Variants in DGKK observed in about 807,000 individuals in gnomAD.
The protein encoded by DGKK is diacylglycerol kinase kappa.
A neutral mutation model predicts 92.2 loss-of-function variants in DGKK; 35 were observed. The ratio of observed to expected loss-of-function variants is 0.38; its 90% CI spans 0.29 to 0.50. The LOEUF (loss-of-function observed/expected upper bound fraction) is 0.50, where lower values mean the gene tolerates loss of function less well. Among genes scored for constraint, DGKK ranks in the 20% least tolerant of loss-of-function variants. The pLI, the probability that DGKK is intolerant of heterozygous loss-of-function variation, is 0.92. For missense variants in DGKK, 910 were observed against 992.2 expected, an observed-to-expected ratio of 0.92 and a Z score of 1.11; for synonymous variants, 368 against 360.6, an observed-to-expected ratio of 1.02 and a Z score of -0.23.
intron 5 of DGKK, 49 bp downstream of exon 5, chrX:50,404,000 C>A: frequency 8.4e-7 from 1 of 1,191,172 alleles, no homozygotes; most frequent in Non-Finnish European, 1.1e-6. Context: ...TTCCTTCATC[C>A]CTATATCTAC....
At chrX:50,371,109 T>G (rs1198070957) in intron 26 of DGKK, among the ~76,000 whole-genome samples, 1 of 112,926 alleles carries the variant, frequency 8.9e-6, no homozygotes, top group African/African-American at 3.2e-5. Context: ...ACTTGGGCTC[T>G]CTGCTGTGCA....
At chrX:50,408,349 C>T (rs1255163593) in intron 4 of DGKK, among the ~76,000 whole-genome samples, 1 of 112,286 alleles carries the variant, frequency 8.9e-6, no homozygotes, top group African/African-American at 3.2e-5. Flanking sequence ...TTTTTTTAAA[C>T]CCACAACCAT....
chrX:50,424,753 T>C (rs1557229512), intron 1 of DGKK, among the ~76,000 whole-genome samples: 2 of 111,661 alleles, frequency 1.8e-5, no homozygotes, highest in Non-Finnish European at 3.8e-5. Context: ...GACAGGGCTC[T>C]CCTGTCAGCT....
chrX:50,385,867 G>A (rs1924531088), intron 15 of DGKK, among the ~76,000 whole-genome samples: 1 of 112,219 alleles, frequency 8.9e-6, no homozygotes, highest in African/African-American at 3.2e-5. Flanking sequence ...ACTGTCGTGA[G>A]TTCTGAGCAA....
intron 4 of DGKK, among the ~76,000 whole-genome samples, chrX:50,416,929 C>A (rs192451146): frequency 9.1e-6 from 1 of 110,093 alleles, no homozygotes; most frequent in African/African-American, 3.3e-5. Flanking sequence ...GAGGAATTTA[C>A]GATATCCTCC....
At chrX:50,422,320 T>A (rs1217373563) in intron 3 of DGKK, 126 bp downstream of exon 3, 2 of 477,724 alleles carry the variant, frequency 4.2e-6, no homozygotes, top group Non-Finnish European at 6.8e-6. Flanking sequence ...GCATGAATGA[T>A]AACACTTTGG....
intron 2 of DGKK, among the ~76,000 whole-genome samples, chrX:50,423,911 A>T (rs185590913): frequency 7.9e-4 from 89 of 112,041 alleles, no homozygotes; most frequent in African/African-American, 2.7e-3. Context: ...TTTAGTATAA[A>T]CATAAAGCGT....
Position 50,462,882 on chromosome X carries a change from C to CT in DGKK, c.645+7151dup, listed in dbSNP as rs548003185. On this transcript the variant is annotated intron_variant, in intron 1 of 27. Coordinates refer to ENST00000611977, the MANE Select transcript of DGKK (RefSeq NM_001013742.4). ...GAAAGATTTTCTTTTCCTTTCCTTG[C>CT]TTTTTTTTTTTTTTTTTTTTTTTTT... is the stretch of plus-strand genomic sequence containing the variant. Among the ~76,000 whole-genome samples, 25 of 15,766 alleles carry CT rather than the reference C, an allele frequency of 1.6e-3. 1 individual carries two copies. Among genetic ancestry groups the CT allele is most frequent in the African/African-American group, 2.6e-3 (22 of 8,577 alleles). 13.7% of individuals were successfully genotyped at this position (15,766 alleles called of 115,157 possible).
At chrX:50,464,363 T>G (rs781959249) in intron 1 of DGKK, among the ~76,000 whole-genome samples, 1 of 110,181 alleles carries the variant, frequency 9.1e-6, no homozygotes, top group Non-Finnish European at 1.9e-5. Flanking sequence ...GTATTTCTTT[T>G]GTCCCTCCCT....
At chrX:50,447,405 ATATAATATATATATATATATATT>A (rs567974002) in intron 1 of DGKK, among the ~76,000 whole-genome samples, 22,243 of 44,395 alleles carry the variant, frequency 0.5, 5,121 homozygotes, top group African/African-American at 0.72. Context: ...TTATATATAT[ATATAATATATATATATATATATT>A]ATATATATAT....
chrX:50,370,964 C>G (rs377567657), intron 26 of DGKK, among the ~76,000 whole-genome samples: 2 of 112,527 alleles, frequency 1.8e-5, no homozygotes, highest in East Asian at 5.6e-4. Flanking sequence ...GGAAAAAACA[C>G]CTCTTCCTTC....
intron 1 of DGKK, among the ~76,000 whole-genome samples, chrX:50,446,902 C>T (rs560326969): frequency 6.5e-4 from 72 of 110,426 alleles, no homozygotes; most frequent in South Asian, 1.9e-3. Flanking sequence ...TGCATGTGTA[C>T]GTGCATGCAT....
At chrX:50,382,092 C>A (rs1924427788) in intron 18 of DGKK, among the ~76,000 whole-genome samples, 1 of 111,974 alleles carries the variant, frequency 8.9e-6, no homozygotes, top group Admixed American at 9.4e-5. Context: ...TTAGGAACAC[C>A]AAAAACAAAT....
chrX:50,391,683 A>G, intron 10 of DGKK, 107 bp from the exon 11 acceptor site: 2 of 909,066 alleles, frequency 2.2e-6, no homozygotes, highest in Non-Finnish European at 3.0e-6. Context: ...TCTTAAAACC[A>G]GTGGATTTAC....
intron 4 of DGKK, among the ~76,000 whole-genome samples, chrX:50,408,533 C>T (rs1266225624): frequency 1.8e-5 from 2 of 110,343 alleles, no homozygotes; most frequent in Non-Finnish European, 3.8e-5. Flanking sequence ...CGCCCGCCAC[C>T]ACGCCCGGCT....
At chrX:50,455,862 C>T (rs1407678643) in intron 1 of DGKK, among the ~76,000 whole-genome samples, 2 of 111,766 alleles carry the variant, frequency 1.8e-5, no homozygotes, top group East Asian at 2.8e-4. Flanking sequence ...ATTATTTGCC[C>T]ACATTTGTCT....
intron 16 of DGKK, 123 bp from the exon 17 acceptor site, chrX:50,384,387 A>C: frequency 2.2e-6 from 1 of 456,884 alleles, no homozygotes; most frequent in East Asian, 4.1e-5. Context: ...CTCCTAGATA[A>C]TATTAAGGGT....
chrX:50,381,128 CA>C (rs1230880201), intron 18 of DGKK, among the ~76,000 whole-genome samples: 1 of 111,705 alleles, frequency 9.0e-6, no homozygotes, highest in Non-Finnish European at 1.9e-5. Flanking sequence ...TGATTTTTGA[CA>C]AAGGTGCCAA....
chrX:50,436,766 T>C (rs1048689230), intron 1 of DGKK, among the ~76,000 whole-genome samples: 7 of 109,717 alleles, frequency 6.4e-5, no homozygotes, highest in Non-Finnish European at 1.3e-4. Flanking sequence ...CTCAAAAAAG[T>C]GACTTGCCCA....
Sources: gnomAD v4.1 joint callset for allele counts (sites outside exome capture counted in the v4.1 genomes callset) on GRCh38, gnomAD v4.1.1 for gene constraint, MANE v1.5 for transcripts, NCBI Gene and HGNC (gene_info 2026-07-23, HGNC 2026-07-21) for gene names.